The following TBC1D16 variants were observed in gnomAD, a reference collection of about 807,000 sequenced individuals.
The protein encoded by TBC1D16 is TBC1 domain family member 16.
In TBC1D16, 58 loss-of-function variants were observed where a neutral mutation model predicts 74.7. That is an observed-to-expected ratio of 0.78 (90% CI 0.63 to 0.97). The LOEUF (loss-of-function observed/expected upper bound fraction) is 0.97, where lower values mean the gene tolerates loss of function less well. TBC1D16 is among the 50% of genes least tolerant of loss of function. The pLI is 0.00. For missense variants in TBC1D16, 1,014 were observed against 1,079.5 expected (o/e 0.94, Z 0.85); for synonymous variants, 493 against 474.7 (o/e 1.04, Z -0.50).
At chr17:79,953,740 T>C (rs1285699237) in intron 3 of TBC1D16, among the ~76,000 whole-genome samples, 1 of 152,236 alleles carries the variant, frequency 6.6e-6, no homozygotes, top group African/African-American at 2.4e-5. Flanking sequence ...TTAAATCTTG[T>C]CTCTTGAGAT....
chr17:80,025,032 C>T (rs2036507057), intron 1 of TBC1D16, among the ~76,000 whole-genome samples: 1 of 72,088 alleles, frequency 1.4e-5, no homozygotes, highest in African/African-American at 6.4e-5. Context: ...CACAGATGCA[C>T]ACATACCATG....
intron 3 of TBC1D16, among the ~76,000 whole-genome samples, chr17:79,967,661 G>A (rs921135023): frequency 6.6e-6 from 1 of 152,096 alleles, no homozygotes; most frequent in Non-Finnish European, 1.5e-5. Flanking sequence ...TGTTATGATG[G>A]CAATACTCTC....
rs1432437053 is a variant in TBC1D16, at chr17:79,935,255, A to G, written c.*5604T>C. 1.3e-5 allele frequency: 2 copies of G among 152,108 alleles called. No homozygotes were observed. Among genetic ancestry groups the G allele is most frequent in the East Asian group, 1.9e-4 (1 of 5,182 alleles). 9.4% of individuals were successfully genotyped at this position (152,108 alleles called of 1,614,324 possible). On this transcript the variant is annotated 3_prime_UTR_variant, in exon 12 of 12. Coordinates refer to ENST00000310924, the MANE Select transcript of TBC1D16 (RefSeq NM_019020.4). ...CTTTCCCGAGTGAGACCCCGCGAGC[A>G]CTCGTCAATTCTCCCATCACCCTCC...
intron 3 of TBC1D16, among the ~76,000 whole-genome samples, chr17:79,977,579 CA>C (rs2034383781): frequency 6.6e-6 from 1 of 152,266 alleles, no homozygotes. Flanking sequence ...TTCCTTCCCC[CA>C]CCTGTGAGAC....
At chr17:80,003,264 G>A (rs1427482460) in intron 3 of TBC1D16, among the ~76,000 whole-genome samples, 2 of 152,176 alleles carry the variant, frequency 1.3e-5, no homozygotes, top group African/African-American at 4.8e-5. Context: ...AGTAACAAGT[G>A]GCCAAACTCT....
rs1444853155 is a variant in TBC1D16 at position 80,001,507 on chromosome 17, T to C, written c.779+8653A>G. On this transcript the variant is annotated intron_variant, in intron 3 of 11. Transcript: ENST00000310924. This position sits in a 1 kb window ranked among gnomAD's most constrained non-coding sequence, Gnocchi z 5.8. ...CTGGGCCCGGAGGGGTGGGCGGGGG[T>C]TCCTGGAGCATCCTCAGGGGGCGGC... 1.3e-5 allele frequency among the ~76,000 whole-genome samples: 2 copies of C among 150,268 alleles called. No homozygotes were observed. The highest frequency in any genetic ancestry group is 3.0e-5 in the Non-Finnish European group (2 of 67,512).
At chr17:79,998,984 G>C (rs149817320) in intron 3 of TBC1D16, among the ~76,000 whole-genome samples, 1 of 152,152 alleles carries the variant, frequency 6.6e-6, no homozygotes, top group Non-Finnish European at 1.5e-5. Flanking sequence ...GGCTGGGCGC[G>C]GTGGCTCACG....
At chr17:79,963,243 C>T (rs997896923) in intron 3 of TBC1D16, among the ~76,000 whole-genome samples, 8 of 151,610 alleles carry the variant, frequency 5.3e-5, no homozygotes, top group Admixed American at 1.3e-4. Flanking sequence ...AAAAAAAGCC[C>T]GATAACTTCC....
intron 10 of TBC1D16, among the ~76,000 whole-genome samples, chr17:79,943,633 CCA>C (rs1289008914): frequency 4.6e-4 from 69 of 150,550 alleles, no homozygotes; most frequent in African/African-American, 1.6e-3. Flanking sequence ...TAAATCAAGC[CCA>C]CAGTCTGAAA....
At chr17:79,972,090 AGTGTCCATC>A (rs2034133915) in intron 3 of TBC1D16, among the ~76,000 whole-genome samples, 1 of 152,332 alleles carries the variant, frequency 6.6e-6, no homozygotes, top group East Asian at 1.9e-4. Flanking sequence ...GAAGCAGCCC[AGTGTCCATC>A]GATGGGTGAA....
At chr17:80,021,667 T>C (rs887237672) in intron 1 of TBC1D16, among the ~76,000 whole-genome samples, 4 of 147,836 alleles carry the variant, frequency 2.7e-5, no homozygotes, top group Admixed American at 1.3e-4. Flanking sequence ...CCACATACCA[T>C]AGGCACACAC....
At chr17:80,019,300 T>G (rs1409201090) in intron 1 of TBC1D16, among the ~76,000 whole-genome samples, 1 of 149,924 alleles carries the variant, frequency 6.7e-6, no homozygotes, top group Non-Finnish European at 1.5e-5. Flanking sequence ...GTCCCAACAG[T>G]GCAGCTTTAC....
rs948005049 is a variant in TBC1D16 at position 79,956,248 on chromosome 17, T to TTTTG, written c.780-3434_780-3431dup. On this transcript the variant is annotated intron_variant, in intron 3 of 11. Transcript: ENST00000310924. This position sits in a 1 kb window ranked among gnomAD's most constrained non-coding sequence, Gnocchi z 4.0. Reference sequence around the variant, plus strand: ...AAGGTCTGTGAGCAAAGAAGCGGTTTTTTGTTTGTTTGTTTGTTTTTTAAA... The same window carrying TTTTG: ...AAGGTCTGTGAGCAAAGAAGCGGTTTTTTGTTTGTTTGTTTGTTTGTTTTTTAAA... Among the ~76,000 whole-genome samples, 16 of 152,180 alleles carry TTTTG rather than the reference T, an allele frequency of 1.1e-4. No homozygotes were observed. Among genetic ancestry groups the TTTTG allele is most frequent in the South Asian group, 8.3e-4 (4 of 4,824 alleles).
chr17:79,949,925 A>C, intron 6 of TBC1D16, 60 bp from the exon 7 acceptor site: 1 of 1,574,226 alleles, frequency 6.4e-7, no homozygotes, highest in Non-Finnish European at 8.7e-7. Flanking sequence ...AGAACCCCCA[A>C]ATCCCCAGAG....
chr17:79,955,338 G>C (rs750657996), intron 3 of TBC1D16, among the ~76,000 whole-genome samples: 4 of 152,086 alleles, frequency 2.6e-5, no homozygotes, highest in Non-Finnish European at 5.9e-5. Context: ...TGTGGGGTGG[G>C]GGTTGCATCG....
intron 3 of TBC1D16, among the ~76,000 whole-genome samples, chr17:79,958,434 C>T (rs1179618308): frequency 6.6e-6 from 1 of 152,052 alleles, no homozygotes; most frequent in Non-Finnish European, 1.5e-5. Context: ...TGGCCAGTCT[C>T]GTCTGGAACT....
chr17:79,977,981 C>T (rs575415955), intron 3 of TBC1D16, among the ~76,000 whole-genome samples: 2 of 152,334 alleles, frequency 1.3e-5, no homozygotes, highest in East Asian at 1.9e-4. Context: ...GGGGGGCCCA[C>T]GGGAAGCTGG....
At chr17:80,024,585 CCACACACCACACACCATAGACA>C in intron 1 of TBC1D16, among the ~76,000 whole-genome samples, 1 of 103,814 alleles carries the variant, frequency 9.6e-6, no homozygotes, top group Non-Finnish European at 2.0e-5. Context: ...GGCACACACA[CCACACACCACACACCATAGACA>C]CACACACCAC....
At chr17:80,004,556 AC>A (rs2035605793) in intron 3 of TBC1D16, among the ~76,000 whole-genome samples, 1 of 152,132 alleles carries the variant, frequency 6.6e-6, no homozygotes, top group African/African-American at 2.4e-5. Flanking sequence ...CAACAGAGGG[AC>A]CTTAGAGGGA....
Sources: allele counts gnomAD v4.1 joint callset (sites outside exome capture counted in the v4.1 genomes callset), GRCh38; gene constraint gnomAD v4.1.1; non-coding constraint Gnocchi (gnomAD v3.1); transcripts MANE v1.5; gene names NCBI Gene and HGNC (gene_info 2026-07-23, HGNC 2026-07-21).